The following BDP1 variants were observed in gnomAD, a reference collection of about 807,000 sequenced individuals.
The protein encoded by BDP1 is transcription factor TFIIIB component B'' homolog.
A neutral mutation model predicts 266.6 loss-of-function variants in BDP1; 169 were observed. The ratio of observed to expected loss-of-function variants is 0.63; its 90% CI spans 0.56 to 0.72. The LOEUF (loss-of-function observed/expected upper bound fraction) is 0.72. Among genes scored for constraint, BDP1 ranks in the 30% least tolerant of loss-of-function variants. The pLI is 0.00. For synonymous variants in BDP1, 1,090 were observed against 1,022.4 expected (o/e 1.07, Z -1.26); for missense variants, 3,015 against 3,053.8 (o/e 0.99, Z 0.30).
chr5:71,516,546 A>T (rs1765232434), intron 21 of BDP1, among the ~76,000 whole-genome samples: 1 of 152,182 alleles, frequency 6.6e-6, no homozygotes, highest in East Asian at 1.9e-4. Flanking sequence ...AACCACTGAA[A>T]ACCTTTTGAC....
chr5:71,511,343 T>A (rs1764910331), intron 17 of BDP1, 192 bp downstream of exon 17: 2 of 620,974 alleles, frequency 3.2e-6, no homozygotes, highest in South Asian at 4.7e-5. Context: ...AAAGATAACT[T>A]TAGGCTGGGC....
At chr5:71,512,466 T>C (rs1307729902) in intron 18 of BDP1, 38 bp downstream of exon 18, 1 of 1,333,076 alleles carries the variant, frequency 7.5e-7, no homozygotes. Context: ...TATTAAGTTA[T>C]AGTTGCAGAT....
Position 71,458,627 on chromosome 5 carries a change from T to C in BDP1, c.261T>C (p.Ser87=). The stretch of plus-strand genomic sequence containing the variant: ...ATGATGTTGAAGAATCCAGTAGATC[T>C]TCCTCTACTGTTTCACAGAGAAGAA... ...GDNDVEESSR[S]SSTVSQRRKR... is the part of the protein sequence containing the mutation. Residue 87 remains serine (S), a synonymous_variant, in exon 2 of 39, where the codon TCT becomes TCC. Coordinates refer to ENST00000358731, the MANE Select transcript of BDP1 (RefSeq NM_018429.3). 1 of 1,610,824 alleles carries C rather than the reference T, an allele frequency of 6.2e-7. No individual in the cohort carries two copies. The highest frequency in any genetic ancestry group is 8.5e-7 in the Non-Finnish European group (1 of 1,176,940).
chr5:71,495,163 T>G, intron 11 of BDP1, 87 bp from the exon 12 acceptor site: 1 of 793,846 alleles, frequency 1.3e-6, no homozygotes, highest in Non-Finnish European at 1.8e-6. Context: ...AAAATGGTGA[T>G]TTTGTGTGTT....
Position 71,504,749 on chromosome 5 carries a change from A to G in BDP1, c.2370A>G (p.Leu790=), listed in dbSNP as rs879828937. Residue 790 remains leucine (L), a splice_region_variant and synonymous_variant, in exon 16 of 39, where the codon CTA becomes CTG. Coordinates refer to ENST00000358731, the MANE Select transcript of BDP1 (RefSeq NM_018429.3). ...AGCCCAAGGTTCTTAATGAATGTCTAAGGTAAGCATCATTTTGTTGATATA... is the reference window on the plus strand; with the variant it reads ...AGCCCAAGGTTCTTAATGAATGTCTGAGGTAAGCATCATTTTGTTGATATA... ...PDEPKVLNEC[L]SVQENNKANK... is the part of the protein sequence containing the mutation. The G allele has an allele frequency of 2.5e-6, 4 of 1,611,922 alleles. No homozygotes were observed. The highest frequency in any genetic ancestry group is 1.1e-5 in the South Asian group (1 of 90,310).
chr5:71,560,185 A>G lies in BDP1; in HGVS notation c.7444A>G (p.Lys2482Glu), dbSNP rs947423456. 3 of 1,614,092 alleles carry G rather than the reference A, an allele frequency of 1.9e-6. No individual in the cohort carries two copies. The highest frequency in any genetic ancestry group is 2.2e-5 in the East Asian group (1 of 44,880). The change falls in exon 37 of 39, where the codon AAG (lysine) becomes GAG (glutamate). Residue 2482 changes from lysine to glutamate, a missense_variant. Physicochemically the swap from Lys to Glu is moderately conservative, Grantham distance 56 (BLOSUM62 1). This residue lies in a region of BDP1 where 629 missense variants were observed against 632.5 expected (regional missense o/e 0.99). Transcript: ENST00000358731. ...GGAAGAAAGAACTGATGCTGCTCCT[A>G]AGTCTCAGCAAATGGATAGCAGAAC... The part of the protein sequence containing the change: ...DKEERTDAAP[K>E]SQQMDSRTSS...
Position 71,510,602 on chromosome 5 carries a change from G to A in BDP1, c.3510G>A (p.Glu1170=), listed in dbSNP as rs546678410. ...AGGTCAAGCCTGTAGATGAAATGGAGACAGACTTGAAAACAACTGGAAGAG... is the reference window on the plus strand; with the variant it reads ...AGGTCAAGCCTGTAGATGAAATGGAAACAGACTTGAAAACAACTGGAAGAG... The part of the protein sequence containing the change: ...PEEVKPVDEM[E]TDLKTTGREG... Residue 1170 remains glutamate, a synonymous_variant, in exon 17 of 39, where the codon GAG becomes GAA. Transcript: ENST00000358731. The A allele has an allele frequency of 6.3e-7, 1 of 1,587,488 alleles. No individual in the cohort carries two copies. The highest frequency in any genetic ancestry group is 1.4e-5 in the African/African-American group (1 of 73,998).
intron 2 of BDP1, among the ~76,000 whole-genome samples, chr5:71,461,308 C>T (rs1761545909): frequency 6.6e-6 from 1 of 152,030 alleles, no homozygotes; most frequent in African/African-American, 2.4e-5. Context: ...GTCCTAGTCA[C>T]TTTAATTGTT....
intron 26 of BDP1, among the ~76,000 whole-genome samples, chr5:71,537,070 G>C (rs531747967): frequency 6.8e-6 from 1 of 146,594 alleles, no homozygotes; most frequent in Non-Finnish European, 1.5e-5. Context: ...GAAGACTGCA[G>C]TGAGTGGAGA....
intron 35 of BDP1, among the ~76,000 whole-genome samples, chr5:71,553,778 T>C (rs1160875809): frequency 6.6e-6 from 1 of 152,196 alleles, no homozygotes; most frequent in Non-Finnish European, 1.5e-5. Flanking sequence ...CACATTGTCT[T>C]GCTGATTTTT....
intron 25 of BDP1, among the ~76,000 whole-genome samples, chr5:71,530,043 GT>G (rs1479106734): frequency 6.6e-6 from 1 of 152,216 alleles, no homozygotes. Context: ...TACACCTTAA[GT>G]GGGTTAACTG....
chr5:71,457,067 T>C (rs1392770345), intron 1 of BDP1, among the ~76,000 whole-genome samples: 1 of 152,190 alleles, frequency 6.6e-6, no homozygotes, highest in Non-Finnish European at 1.5e-5. Context: ...TTTCAAAATT[T>C]CTACACAGAA....
Position 71,510,011 on chromosome 5 carries a change from G to C in BDP1, c.2919G>C (p.Val973=). 6.2e-7 allele frequency: 1 copy of C among 1,614,008 alleles called. No individual in the cohort carries two copies. ...CCCCAAGGGAGAAGACACCAGAGGTGACTGATGCCACTGAGGAAATAGACA... is the reference window on the plus strand; with the variant it reads ...CCCCAAGGGAGAAGACACCAGAGGTCACTGATGCCACTGAGGAAATAGACA... ...ESSPREKTPE[V]TDATEEIDKN... The change falls in exon 17 of 39, where the codon GTG becomes GTC. Residue 973 remains valine (V), a synonymous_variant. Coordinates refer to ENST00000358731, the MANE Select transcript of BDP1 (RefSeq NM_018429.3).
intron 35 of BDP1, among the ~76,000 whole-genome samples, chr5:71,554,614 C>T (rs1384130315): frequency 6.6e-6 from 1 of 152,098 alleles, no homozygotes; most frequent in Non-Finnish European, 1.5e-5. Flanking sequence ...GACCATAGTA[C>T]TTTACTAAGT....
At chr5:71,517,230 T>C in intron 21 of BDP1, 92 bp from the exon 22 acceptor site, 3 of 1,109,248 alleles carry the variant, frequency 2.7e-6, no homozygotes, top group Non-Finnish European at 3.8e-6. Flanking sequence ...AGAAAAGGGA[T>C]TTTAAAAAAC....
intron 3 of BDP1, 40 bp downstream of exon 3, chr5:71,461,966 T>TG: frequency 8.5e-7 from 1 of 1,176,970 alleles, no homozygotes; most frequent in Non-Finnish European, 1.2e-6. Flanking sequence ...CTCTTTTTTT[T>TG]TTTTTTTTTT....
At chr5:71,557,057 C>T in intron 36 of BDP1, 132 bp downstream of exon 36, 1 of 469,872 alleles carries the variant, frequency 2.1e-6, no homozygotes, top group Non-Finnish European at 3.7e-6. Flanking sequence ...ATTATCAGCA[C>T]TTCTTTCCTG....
rs779218997 is a variant in BDP1, at chr5:71,456,092, A to G, written c.212+3A>G. 1.2e-6 allele frequency: 2 copies of G among 1,611,238 alleles called. No individual in the cohort carries two copies. Among genetic ancestry groups the G allele is most frequent in the South Asian group, 2.2e-5 (2 of 90,986 alleles). The stretch of plus-strand genomic sequence containing the variant: ...CAAGAAAAGGCTCCTAGGAGCAGGT[A>G]AGAGGTTGCAGAGGGAAGAATTTTC... On this transcript the variant is annotated splice_donor_region_variant and intron_variant, in intron 1 of 38. Coordinates refer to ENST00000358731, the MANE Select transcript of BDP1 (RefSeq NM_018429.3).
intron 6 of BDP1, among the ~76,000 whole-genome samples, chr5:71,468,408 G>T (rs1051219441): frequency 1.3e-5 from 2 of 151,540 alleles, no homozygotes; most frequent in Non-Finnish European, 3.0e-5. Flanking sequence ...TTTGCCTCCC[G>T]AAGTGTTGAG....
Sources: allele counts gnomAD v4.1 joint callset (sites outside exome capture counted in the v4.1 genomes callset), GRCh38; gene constraint gnomAD v4.1.1; regional missense constraint gnomAD v4.1.1; transcripts MANE v1.5; gene names NCBI Gene and HGNC (gene_info 2026-07-23, HGNC 2026-07-21).